The following GRIN2A variants were observed in gnomAD, a reference collection of about 807,000 sequenced individuals.
GRIN2A encodes glutamate receptor ionotropic, NMDA 2A.
A neutral mutation model predicts 113.4 loss-of-function variants in GRIN2A; 22 were observed. The ratio of observed to expected loss-of-function variants is 0.19; its 90% CI spans 0.14 to 0.28. The LOEUF is 0.28. GRIN2A is among the 10% of genes least tolerant of loss of function. The pLI, the probability that GRIN2A is intolerant of heterozygous loss-of-function variation, is 1.00. For synonymous variants in GRIN2A, 827 were observed against 738.4 expected (o/e 1.12, Z -1.94); for missense variants, 1,502 against 1,887.0 (o/e 0.80, Z 3.78).
chr16:9,951,850 C>T (rs946380783), intron 2 of GRIN2A, among the ~76,000 whole-genome samples: 3 of 152,092 alleles, frequency 2.0e-5, no homozygotes, highest in Non-Finnish European at 4.4e-5. Context: ...TGGTTGCAGG[C>T]GAGAGCCCAA....
intron 2 of GRIN2A, among the ~76,000 whole-genome samples, chr16:10,096,539 A>AACACACACACACACACACACACACACAC (rs59351819): frequency 5.1e-5 from 7 of 137,670 alleles, no homozygotes; most frequent in Non-Finnish European, 1.1e-4. Context: ...ATTGTGGTAA[A>AACACACACACACACACACACACACACAC]ACACACACAC....
At chr16:9,961,935 C>G (rs557723627) in intron 2 of GRIN2A, among the ~76,000 whole-genome samples, 1 of 152,122 alleles carries the variant, frequency 6.6e-6, no homozygotes, top group South Asian at 2.1e-4. Context: ...CAGAACAGAA[C>G]AGAGCCCTCA....
At chr16:9,849,552 G>A (rs546818575) in intron 5 of GRIN2A, among the ~76,000 whole-genome samples, 50 of 152,044 alleles carry the variant, frequency 3.3e-4, no homozygotes, top group African/African-American at 1.1e-3. Context: ...TCATATTGCT[G>A]GTGGAATTAA....
chr16:9,919,045 C>T lies in GRIN2A; in HGVS notation c.1007+18914G>A, dbSNP rs144378661. ...AAAGTTAGCCAGGCGTGGTGGTGTG[C>T]GCCTGTAATCCCAGCTCCTCAGGAG... On this transcript the variant is annotated intron_variant, in intron 3 of 12. Coordinates refer to ENST00000330684, the MANE Select transcript of GRIN2A (RefSeq NM_001134407.3). 3.1e-3 allele frequency among the ~76,000 whole-genome samples: 472 copies of T among 152,050 alleles called. 4 individuals carry two copies. Among genetic ancestry groups the T allele is most frequent in the African/African-American group, 0.011 (447 of 41,476 alleles).
chr16:10,064,520 T>C (rs1393803823), intron 2 of GRIN2A, among the ~76,000 whole-genome samples: 3 of 152,248 alleles, frequency 2.0e-5, no homozygotes, highest in African/African-American at 7.2e-5. Context: ...TGCTTGTTTC[T>C]ACTGTTCATG....
At chr16:9,875,716 A>C (rs1012192655) in intron 4 of GRIN2A, among the ~76,000 whole-genome samples, 2 of 152,208 alleles carry the variant, frequency 1.3e-5, no homozygotes, top group Non-Finnish European at 2.9e-5. Context: ...ATGTGAAATA[A>C]AGAAAAATAA....
intron 2 of GRIN2A, among the ~76,000 whole-genome samples, chr16:10,029,421 T>C (rs995428857): frequency 6.6e-6 from 1 of 152,038 alleles, no homozygotes; most frequent in African/African-American, 2.4e-5. Flanking sequence ...CTCAAACCCC[T>C]TAGGTCAGGT....
At chr16:9,860,215 G>A (rs904316836) in intron 4 of GRIN2A, among the ~76,000 whole-genome samples, 7 of 151,892 alleles carry the variant, frequency 4.6e-5, no homozygotes, top group Admixed American at 4.6e-4. Flanking sequence ...CAGCACTTCG[G>A]GAAGCTGAGG....
chr16:10,058,653 C>G (rs1055989268), intron 2 of GRIN2A, among the ~76,000 whole-genome samples: 1 of 152,194 alleles, frequency 6.6e-6, no homozygotes, highest in Non-Finnish European at 1.5e-5. Flanking sequence ...TTTCCCCATC[C>G]AAGTTTACAG....
chr16:9,934,607 G>A (rs1466691596), intron 3 of GRIN2A, among the ~76,000 whole-genome samples: 1 of 144,566 alleles, frequency 6.9e-6, no homozygotes, highest in East Asian at 2.0e-4. Context: ...CTTAATCCAG[G>A]AGGCAGAGGT....
At chr16:9,890,080 C>T (rs1208281800) in intron 4 of GRIN2A, among the ~76,000 whole-genome samples, 4 of 152,150 alleles carry the variant, frequency 2.6e-5, no homozygotes, top group African/African-American at 9.7e-5. Context: ...ACAGCACATC[C>T]TATATCTTCC....
intron 3 of GRIN2A, among the ~76,000 whole-genome samples, chr16:9,936,332 G>C (rs1225591594): frequency 6.6e-6 from 1 of 152,150 alleles, no homozygotes; most frequent in Non-Finnish European, 1.5e-5. Flanking sequence ...CCACTGCCTA[G>C]AAATTAGGTG....
intron 2 of GRIN2A, among the ~76,000 whole-genome samples, chr16:10,119,990 G>C (rs1308299098): frequency 6.6e-6 from 1 of 152,170 alleles, no homozygotes; most frequent in African/African-American, 2.4e-5. Flanking sequence ...CCATTGATGG[G>C]CGTTTAGGTG....
At chr16:10,166,130 T>C (rs1023335817) in intron 2 of GRIN2A, among the ~76,000 whole-genome samples, 1 of 152,230 alleles carries the variant, frequency 6.6e-6, no homozygotes, top group African/African-American at 2.4e-5. Context: ...TATGTCTTTT[T>C]CTTTCACCCC....
At chr16:10,114,340 G>C (rs1366393488) in intron 2 of GRIN2A, among the ~76,000 whole-genome samples, 1 of 152,222 alleles carries the variant, frequency 6.6e-6, no homozygotes, top group Admixed American at 6.5e-5. Flanking sequence ...GAGAGTTGAA[G>C]AGGTTTTGAT....
chr16:9,762,879 C>A lies in GRIN2A; in HGVS notation c.*270G>T, dbSNP rs990821022. The A allele has an allele frequency of 1.2e-4, 65 of 543,914 alleles. No homozygotes were observed. In the African/African-American group the frequency reaches 1.2e-3, roughly 10 times the overall value. The allele number at this position is 543,914 out of a possible 1,614,324, so 33.7% of individuals were successfully genotyped here. A position where few individuals can be genotyped will look rare whatever the true frequency, so the allele number is the denominator to read the frequency against. ...TTGCCAACATACCCAGTAGGCATGT[C>A]CCGGAGACTTGCCCTTATGTAGTTA... On this transcript the variant is annotated 3_prime_UTR_variant, in exon 13 of 13. Coordinates refer to ENST00000330684, the MANE Select transcript of GRIN2A (RefSeq NM_001134407.3).
intron 2 of GRIN2A, among the ~76,000 whole-genome samples, chr16:9,945,752 C>T (rs2045003851): frequency 1.3e-5 from 2 of 152,178 alleles, no homozygotes; most frequent in South Asian, 4.1e-4. Context: ...CTGAAGGAAG[C>T]AGCTTTATTT....
At position 9,887,802 on chromosome 16, in the gene GRIN2A, T is replaced by G. The variant is rs561897435; in HGVS notation, c.1122+3184A>C. The stretch of plus-strand genomic sequence containing the variant: ...TGGCCAGGCGCGTGGCTCACGCCTG[T>G]GATCTCAGCACTTTGGGAGGCTGAG... On this transcript the variant is annotated intron_variant, in intron 4 of 12. Coordinates refer to ENST00000330684, the MANE Select transcript of GRIN2A (RefSeq NM_001134407.3). 4.6e-5 allele frequency among the ~76,000 whole-genome samples: 7 copies of G among 152,254 alleles called. 1 individual carries two copies. The East Asian group carries it at 1.4e-3, about 30-fold the overall frequency.
At chr16:9,827,587 G>A (rs2042409614) in intron 9 of GRIN2A, among the ~76,000 whole-genome samples, 1 of 152,186 alleles carries the variant, frequency 6.6e-6, no homozygotes, top group Non-Finnish European at 1.5e-5. Context: ...TTAGTCTTTG[G>A]TTACAGGTGA....
Sources: allele counts gnomAD v4.1 joint callset (sites outside exome capture counted in the v4.1 genomes callset), GRCh38; gene constraint gnomAD v4.1.1; transcripts MANE v1.5; gene names NCBI Gene and HGNC (gene_info 2026-07-23, HGNC 2026-07-21).